Variants in DTWD2 observed in about 807,000 individuals in gnomAD.
The protein encoded by DTWD2 is tRNA-uridine aminocarboxypropyltransferase 2.
Under a neutral mutation model 31.8 loss-of-function variants are expected in DTWD2, and 39 were observed. The observed-to-expected ratio is 1.22, with a 90% CI of 0.95 to 1.60. The LOEUF (loss-of-function observed/expected upper bound fraction) is 1.60, where lower values mean the gene tolerates loss of function less well. Among genes scored for constraint, DTWD2 ranks in the 40% most tolerant of loss-of-function variants. DTWD2 has a pLI of 0.00. For synonymous variants in DTWD2, 180 were observed against 142.8 expected (o/e 1.26, Z -1.86); for missense variants, 515 against 381.5 (o/e 1.35, Z -2.92).
chr5:118,947,604 G>C (rs989690634), intron 1 of DTWD2, among the ~76,000 whole-genome samples: 1 of 152,166 alleles, frequency 6.6e-6, no homozygotes, highest in Non-Finnish European at 1.5e-5. Context: ...GGTACAGGAT[G>C]GGGGTGGAAC....
At chr5:118,953,950 C>CA (rs1397649949) in intron 1 of DTWD2, among the ~76,000 whole-genome samples, 27 of 152,240 alleles carry the variant, frequency 1.8e-4, no homozygotes, top group African/African-American at 6.5e-4. Context: ...TCACTTAGAC[C>CA]AGGTCTTTGC....
intron 5 of DTWD2, among the ~76,000 whole-genome samples, chr5:118,846,427 C>A (rs1751855020): frequency 1.3e-5 from 2 of 152,110 alleles, no homozygotes; most frequent in East Asian, 1.9e-4. Context: ...AGATATAAGT[C>A]CACAGAGAAT....
intron 1 of DTWD2, among the ~76,000 whole-genome samples, chr5:118,971,585 T>C (rs959783638): frequency 1.8e-4 from 28 of 152,094 alleles, no homozygotes; most frequent in Middle Eastern, 3.4e-3. Flanking sequence ...AGACAGAAAA[T>C]TAACAAAGAT....
rs112049616 is a variant in DTWD2 at position 118,841,256 on chromosome 5, A to G, written c.727-169T>C. 1.4e-3 allele frequency among the ~76,000 whole-genome samples: 211 copies of G among 152,332 alleles called. 1 individual carries two copies. The highest frequency in any genetic ancestry group is 4.7e-3 in the African/African-American group (197 of 41,590). Reference sequence around the variant, plus strand: ...AATATATAATTATTTCTAGATAAATAATGTCTTTAAAATTCATGCCTTAAT... The same window carrying G: ...AATATATAATTATTTCTAGATAAATGATGTCTTTAAAATTCATGCCTTAAT... On this transcript the variant is annotated intron_variant, in intron 5 of 5. Coordinates refer to ENST00000510708, the MANE Select transcript of DTWD2 (RefSeq NM_173666.4).
intron 1 of DTWD2, among the ~76,000 whole-genome samples, chr5:118,951,494 T>C (rs1754464420): frequency 6.6e-6 from 1 of 152,082 alleles, no homozygotes; most frequent in African/African-American, 2.4e-5. Context: ...CTCAGACCAT[T>C]TGCCCATTTT....
At chr5:118,889,408 G>A (rs923143681) in intron 4 of DTWD2, among the ~76,000 whole-genome samples, 1 of 152,010 alleles carries the variant, frequency 6.6e-6, no homozygotes, top group African/African-American at 2.4e-5. Context: ...TGAAATTCGA[G>A]ACAGCTATAA....
intron 4 of DTWD2, among the ~76,000 whole-genome samples, chr5:118,875,631 A>G (rs939948304): frequency 8.1e-4 from 123 of 152,152 alleles, no homozygotes; most frequent in African/African-American, 2.9e-3. Context: ...GGTGCATTAC[A>G]TAATGGTAAA....
At chr5:118,987,640 G>T (rs1028800433) in intron 1 of DTWD2, among the ~76,000 whole-genome samples, 1 of 152,108 alleles carries the variant, frequency 6.6e-6, no homozygotes, top group African/African-American at 2.4e-5. Flanking sequence ...TCCAGTAAGA[G>T]AATACTCTAC....
At chr5:118,973,977 AG>A (rs1755063400) in intron 1 of DTWD2, 1 of 1,584,578 alleles carries the variant, frequency 6.3e-7, no homozygotes, top group African/African-American at 1.3e-5. Context: ...GAAGGTGGGG[AG>A]GAAGAGGAGG....
At chr5:118,902,190 AGC>A (rs1753227554) in intron 4 of DTWD2, among the ~76,000 whole-genome samples, 1 of 152,240 alleles carries the variant, frequency 6.6e-6, no homozygotes, top group African/African-American at 2.4e-5. Context: ...AATAGTGGAA[AGC>A]TACAAATGTG....
chr5:118,966,092 C>T (rs548319190), intron 1 of DTWD2, among the ~76,000 whole-genome samples: 23 of 152,170 alleles, frequency 1.5e-4, no homozygotes, highest in Admixed American at 1.2e-3. Context: ...ATATCAGCTA[C>T]GGTTTGGGTG....
chr5:118,872,372 T>C (rs965970522), intron 4 of DTWD2, among the ~76,000 whole-genome samples: 2 of 152,248 alleles, frequency 1.3e-5, no homozygotes, highest in African/African-American at 4.8e-5. Flanking sequence ...ATCTCTGCTT[T>C]TGTCATGCCT....
chr5:118,911,473 C>T (rs1030867306), intron 4 of DTWD2, among the ~76,000 whole-genome samples: 3 of 152,140 alleles, frequency 2.0e-5, no homozygotes, highest in Non-Finnish European at 2.9e-5. Context: ...AAATATAGAA[C>T]TACCATATGA....
chr5:118,988,186 G>T (rs1755473562), intron 1 of DTWD2, 108 bp downstream of exon 1: 1 of 1,367,888 alleles, frequency 7.3e-7, no homozygotes, highest in Non-Finnish European at 1.0e-6. Context: ...CAACTCCGCC[G>T]CCCTAATCGC....
At chr5:118,944,264 T>G (rs1754276277) in intron 2 of DTWD2, among the ~76,000 whole-genome samples, 1 of 152,216 alleles carries the variant, frequency 6.6e-6, no homozygotes, top group Non-Finnish European at 1.5e-5. Context: ...AATGATTTTC[T>G]TAGCTCTTTA....
intron 5 of DTWD2, among the ~76,000 whole-genome samples, chr5:118,843,984 C>A (rs976476874): frequency 6.6e-6 from 1 of 152,198 alleles, no homozygotes; most frequent in African/African-American, 2.4e-5. Flanking sequence ...ATAGGATACA[C>A]CACCTTCCTT....
intron 1 of DTWD2, among the ~76,000 whole-genome samples, chr5:118,968,938 G>T (rs1000343664): frequency 6.6e-6 from 1 of 152,322 alleles, no homozygotes; most frequent in East Asian, 1.9e-4. Context: ...CCAAGTTCCT[G>T]AGGGGCTTGG....
chr5:118,924,675 G>C (rs958408242), intron 4 of DTWD2, among the ~76,000 whole-genome samples: 4 of 152,206 alleles, frequency 2.6e-5, no homozygotes, highest in Non-Finnish European at 5.9e-5. Flanking sequence ...GTTACATAAA[G>C]TAGTTTAGAA....
intron 1 of DTWD2, among the ~76,000 whole-genome samples, chr5:118,962,137 C>G (rs975449261): frequency 6.6e-6 from 1 of 151,994 alleles, no homozygotes; most frequent in Non-Finnish European, 1.5e-5. Flanking sequence ...ACTCAGGAGG[C>G]TGAGGCAGGA....
Sources: gnomAD v4.1 joint callset for allele counts (sites outside exome capture counted in the v4.1 genomes callset) on GRCh38, gnomAD v4.1.1 for gene constraint, MANE v1.5 for transcripts, NCBI Gene and HGNC (gene_info 2026-07-23, HGNC 2026-07-21) for gene names.